The following PHACTR2 variants were observed in gnomAD, a reference collection of about 807,000 sequenced individuals.
PHACTR2 encodes phosphatase and actin regulator 2, also known as chromosome 6 open reading frame 56.
PHACTR2 carries 30 observed loss-of-function variants against 76.0 expected under a neutral mutation model. That is an observed-to-expected ratio of 0.39 (90% CI 0.30 to 0.54). PHACTR2 has a LOEUF of 0.54. Among genes scored for constraint, PHACTR2 ranks in the 20% least tolerant of loss-of-function variants. PHACTR2 has a pLI of 0.61. For missense variants in PHACTR2, 696 were observed against 781.1 expected (o/e 0.89, Z 1.30); for synonymous variants, 292 against 292.5 (o/e 1.00, Z 0.02).
rs534407137 is a variant in PHACTR2 at position 143,553,444 on chromosome 6, A to G, written c.217+16237A>G. 1.3e-5 allele frequency among the ~76,000 whole-genome samples: 2 copies of G among 152,318 alleles called. No homozygotes were observed. The highest frequency in any genetic ancestry group is 2.9e-5 in the Non-Finnish European group (2 of 68,024). On this transcript the variant is annotated intron_variant, in intron 1 of 11. Transcript: ENST00000367584. The surrounding 1 kb of genome is among the most constrained non-coding windows in gnomAD (Gnocchi z 4.2). ...CAGGAAGAGGGGAGTTGGTGCATGT[A>G]AACCCAGCTGGGTTTGTTAACTGGT...
rs1218337308 is a variant in PHACTR2, at chr6:143,541,551, C to T, written c.217+4344C>T. Among the ~76,000 whole-genome samples, 2 of 152,204 alleles carry T rather than the reference C, an allele frequency of 1.3e-5. No homozygotes were observed. The highest frequency in any genetic ancestry group is 2.9e-5 in the Non-Finnish European group (2 of 68,046). On this transcript the variant is annotated intron_variant, in intron 1 of 11. Coordinates refer to the PHACTR2 transcript ENST00000367584. The surrounding 1 kb of genome is among the most constrained non-coding windows in gnomAD (Gnocchi z 5.3). ...TGGACCACTTCATTAGCTTAATGTG[C>T]AAGTACAATCTCATCTTTTTATTAC... is the stretch of plus-strand genomic sequence containing the variant.
chr6:143,611,922 C>G lies in PHACTR2; in HGVS notation c.13+3600C>G, dbSNP rs1378744250. On this transcript the variant is annotated intron_variant, in intron 1 of 11. Coordinates refer to the PHACTR2 transcript ENST00000305766. This position sits in a 1 kb window ranked among gnomAD's most constrained non-coding sequence, Gnocchi z 4.4. ...CGAGTGGATATGGAGGCAGGGAGAA[C>G]TGCAGCAGTCAAAGGAGACCCTGGA... 6.6e-6 allele frequency among the ~76,000 whole-genome samples: 1 copy of G among 152,166 alleles called. No individual in the cohort carries two copies. The highest frequency in any genetic ancestry group is 1.5e-5 in the Non-Finnish European group (1 of 68,012).
rs1345460580 is a variant in PHACTR2 at position 143,823,887 on chromosome 6, A to G, written c.*198A>G. On this transcript the variant is annotated 3_prime_UTR_variant, in exon 13 of 13. Transcript: ENST00000440869. The surrounding 1 kb of genome is among the most constrained non-coding windows in gnomAD (Gnocchi z 5.7). ...ATGGCTCCAACAAGCAAAAGGAAGG[A>G]TGCAGTGACTCTTGCTGCCCAGAAT... The G allele has an allele frequency of 2.0e-6, 1 of 510,124 alleles. No homozygotes were observed. The highest frequency in any genetic ancestry group is 3.6e-6 in the Non-Finnish European group (1 of 278,758). 31.6% of individuals were successfully genotyped at this position (510,124 alleles called of 1,614,324 possible). A position where few individuals can be genotyped will look rare whatever the true frequency, so the allele number is the denominator to read the frequency against.
Position 143,828,172 on chromosome 6 carries a change from T to TGAATA in PHACTR2, c.*4484_*4488dup, listed in dbSNP as rs1169104984. 6.6e-6 allele frequency: 1 copy of TGAATA among 151,726 alleles called. No individual in the cohort carries two copies. The highest frequency in any genetic ancestry group is 2.4e-5 in the African/African-American group (1 of 41,292). 9.4% of individuals were successfully genotyped at this position (151,726 alleles called of 1,614,324 possible). Reference sequence around the variant, plus strand: ...CTCAAAATAATAATAATAGTAATAATGAATAAAATAAAATAAAATATGTCC... The same window carrying TGAATA: ...CTCAAAATAATAATAATAGTAATAATGAATAGAATAAAATAAAATAAAATATGTCC... On this transcript the variant is annotated 3_prime_UTR_variant, in exon 13 of 13. Coordinates refer to ENST00000440869, the MANE Select transcript of PHACTR2 (RefSeq NM_001100164.2). This position sits in a 1 kb window ranked among gnomAD's most constrained non-coding sequence, Gnocchi z 4.7.
At chr6:143,773,969 G>A in intron 7 of PHACTR2, 90 bp from the exon 8 acceptor site, 1 of 1,065,880 alleles carries the variant, frequency 9.4e-7, no homozygotes, top group Middle Eastern at 2.1e-4. Context: ...ATTTGGTCTG[G>A]GCTCTATTTA....
At position 143,710,287 on chromosome 6, in the gene PHACTR2, T is replaced by C. The variant is rs549628463; in HGVS notation, c.47-1729T>C. Among the ~76,000 whole-genome samples the C allele has an allele frequency of 1.3e-5, 2 of 152,354 alleles. No homozygotes were observed. The highest frequency in any genetic ancestry group is 4.1e-4 in the South Asian group (2 of 4,828). On this transcript the variant is annotated intron_variant, in intron 1 of 12. Transcript: ENST00000440869. This position sits in a 1 kb window ranked among gnomAD's most constrained non-coding sequence, Gnocchi z 4.9. ...CTCACCACCGTGTTGTTTCTTGGGT[T>C]CTGAGGTCCCAGGCTTGTCTACCTT...
intron 1 of PHACTR2, among the ~76,000 whole-genome samples, chr6:143,551,078 T>C (rs1447921874): frequency 6.6e-6 from 1 of 151,628 alleles, no homozygotes; most frequent in East Asian, 1.9e-4. Flanking sequence ...CCCCAAAGAC[T>C]AACACATTTT....
Position 143,678,549 on chromosome 6 carries a change from A to G in PHACTR2, c.46+340A>G, listed in dbSNP as rs141174488. Among the ~76,000 whole-genome samples the G allele has an allele frequency of 3.4e-3, 523 of 152,318 alleles. 3 individuals carry two copies. Among genetic ancestry groups the G allele is most frequent in the African/African-American group, 0.011 (474 of 41,576 alleles). On this transcript the variant is annotated intron_variant, in intron 1 of 12. Coordinates refer to ENST00000440869, the MANE Select transcript of PHACTR2 (RefSeq NM_001100164.2). The surrounding 1 kb of genome is among the most constrained non-coding windows in gnomAD (Gnocchi z 6.2). Reference sequence around the variant, plus strand: ...AAACGCGAAACTTAGAGAGCAAGAGAAACATGCCAACAGGTTTTTCTGTAT... The same window carrying G: ...AAACGCGAAACTTAGAGAGCAAGAGGAACATGCCAACAGGTTTTTCTGTAT...
In PHACTR2 at chr6:143,751,795, C is replaced by T. The variant is rs1779187554; in HGVS notation, c.296-1959C>T. On this transcript the variant is annotated intron_variant, in intron 3 of 12. Coordinates refer to ENST00000440869, the MANE Select transcript of PHACTR2 (RefSeq NM_001100164.2). This position sits in a 1 kb window ranked among gnomAD's most constrained non-coding sequence, Gnocchi z 5.7. ...TTGCTCTGCTTGTATTTTACTTACA[C>T]ACACACACACACACACACACACACA... Among the ~76,000 whole-genome samples, 1 of 149,672 alleles carries T rather than the reference C, an allele frequency of 6.7e-6. No individual in the cohort carries two copies. The highest frequency in any genetic ancestry group is 2.1e-4 in the South Asian group (1 of 4,730).
chr6:143,719,882 A>G (rs1188379408), intron 2 of PHACTR2, among the ~76,000 whole-genome samples: 2 of 131,048 alleles, frequency 1.5e-5, no homozygotes, highest in African/African-American at 3.0e-5. Context: ...GCGTAATCTC[A>G]CTCACTGCAA....
rs909831582 is a variant in PHACTR2, at chr6:143,678,108, G to C, written c.-56G>C. On this transcript the variant is annotated 5_prime_UTR_variant, in exon 1 of 13. The change abolishes an upstream ATG in the 5' untranslated region. Transcript: ENST00000440869. This position sits in a 1 kb window ranked among gnomAD's most constrained non-coding sequence, Gnocchi z 6.2. ...GAAGTCTGGCTGGGAGCGGACCCAT[G>C]ATCGAAGGACCAAAGGAGCCGCTTG... 6.5e-7 allele frequency: 1 copy of C among 1,545,494 alleles called. No homozygotes were observed.
At chr6:143,721,359 T>A (rs987710604) in intron 2 of PHACTR2, among the ~76,000 whole-genome samples, 1 of 152,244 alleles carries the variant, frequency 6.6e-6, no homozygotes, top group Admixed American at 6.5e-5. Context: ...CCTGGGACTA[T>A]TAATATTTAT....
upstream of PHACTR2, among the ~76,000 whole-genome samples, chr6:143,675,921 C>T (rs1282748569): frequency 1.3e-5 from 2 of 152,098 alleles, no homozygotes; most frequent in East Asian, 1.9e-4. This position sits in a 1 kb window ranked among gnomAD's most constrained non-coding sequence, Gnocchi z 4.9. Flanking sequence ...CTAACCTTTG[C>T]GTTACAACCT....
At chr6:143,814,154 G>A (rs192067818) in intron 12 of PHACTR2, among the ~76,000 whole-genome samples, 4 of 152,122 alleles carry the variant, frequency 2.6e-5, no homozygotes, top group Admixed American at 6.6e-5. Flanking sequence ...TCAGGAGTTC[G>A]AGACGAGCTT....
Position 143,807,162 on chromosome 6 carries a change from G to T in PHACTR2, c.1922+29G>T. 1 of 1,363,872 alleles carries T rather than the reference G, an allele frequency of 7.3e-7. No individual in the cohort carries two copies. Among genetic ancestry groups the T allele is most frequent in the South Asian group, 1.2e-5 (1 of 82,940 alleles). 84.5% of individuals were successfully genotyped at this position (1,363,872 alleles called of 1,614,324 possible). A position where few individuals can be genotyped will look rare whatever the true frequency, so the allele number is the denominator to read the frequency against. On this transcript the variant is annotated intron_variant, in intron 12 of 12. Transcript: ENST00000440869. The surrounding 1 kb of genome is among the most constrained non-coding windows in gnomAD (Gnocchi z 5.5). The stretch of plus-strand genomic sequence containing the variant: ...GGTGACAAAATGCAGCTTAGAAATT[G>T]AAAATGCTTAAGATGTGATCCCATG...
rs1443227548 is a variant in PHACTR2 at position 143,824,843 on chromosome 6, C to T, written c.*1154C>T. ...GGCTTAACAGAACATGGAAAGTTCC[C>T]ACTAAGTTGTGTGTGAGGAAATCCT... On this transcript the variant is annotated 3_prime_UTR_variant, in exon 13 of 13. Transcript: ENST00000440869. The surrounding 1 kb of genome is among the most constrained non-coding windows in gnomAD (Gnocchi z 6.3). 6.6e-6 allele frequency: 1 copy of T among 152,096 alleles called. No individual in the cohort carries two copies. Among genetic ancestry groups the T allele is most frequent in the East Asian group, 1.9e-4 (1 of 5,178 alleles). 9.4% of individuals were successfully genotyped at this position (152,096 alleles called of 1,614,324 possible).
intron 1 of PHACTR2, chr6:143,711,800 T>A (rs990038234): frequency 2.8e-6 from 2 of 724,870 alleles, no homozygotes; most frequent in Admixed American, 1.7e-5. Flanking sequence ...TCTAGTCTGT[T>A]TCCCCAGAAT....
intron 2 of PHACTR2, among the ~76,000 whole-genome samples, chr6:143,740,392 C>T (rs1325631142): frequency 1.3e-5 from 2 of 151,594 alleles, no homozygotes; most frequent in Non-Finnish European, 2.9e-5. Context: ...GGAATGCAGC[C>T]CAGCAGGTCT....
rs1474583695 is a variant in PHACTR2, at chr6:143,820,890, A to G, written c.1923-2784A>G. Among the ~76,000 whole-genome samples, 1 of 152,200 alleles carries G rather than the reference A, an allele frequency of 6.6e-6. No homozygotes were observed. The highest frequency in any genetic ancestry group is 1.5e-5 in the Non-Finnish European group (1 of 68,044). ...CTTTTCCATGTATCCCCTGAAATCT[A>G]GGTGGAGTGTCTGAAGCTTCCATCA... On this transcript the variant is annotated intron_variant, in intron 12 of 12. Transcript: ENST00000440869. This position sits in a 1 kb window ranked among gnomAD's most constrained non-coding sequence, Gnocchi z 4.2.
Sources: gnomAD v4.1 joint callset for allele counts (sites outside exome capture counted in the v4.1 genomes callset) on GRCh38, gnomAD v4.1.1 for gene constraint, Gnocchi (gnomAD v3.1) non-coding constraint, MANE v1.5 for transcripts, NCBI Gene and HGNC (gene_info 2026-07-23, HGNC 2026-07-21) for gene names.